PARD3B: variants seen among roughly 807,000 people sequenced by gnomAD.
PARD3B encodes par-3 family cell polarity regulator beta.
Under a neutral mutation model 130.2 loss-of-function variants are expected in PARD3B, and 103 were observed. The ratio of observed to expected loss-of-function variants is 0.79; its 90% CI spans 0.67 to 0.93. The LOEUF (loss-of-function observed/expected upper bound fraction) is 0.93. Ranked by LOEUF, PARD3B falls within the 40% of genes least tolerant of loss-of-function variation. PARD3B has a pLI of 0.00. For missense variants in PARD3B, 1,609 were observed against 1,499.2 expected, an observed-to-expected ratio of 1.07 and a Z score of -1.21; for synonymous variants, 583 against 553.2, an observed-to-expected ratio of 1.05 and a Z score of -0.76.
At chr2:205,608,364 A>G (rs993397481) in intron 22 of PARD3B, among the ~76,000 whole-genome samples, 1 of 152,168 alleles carries the variant, frequency 6.6e-6, no homozygotes, top group African/African-American at 2.4e-5. Flanking sequence ...TTACAATAGA[A>G]AGAGAGAGAG....
intron 18 of PARD3B, among the ~76,000 whole-genome samples, chr2:205,354,713 A>G (rs1218879355): frequency 6.6e-6 from 1 of 152,170 alleles, no homozygotes; most frequent in East Asian, 1.9e-4. Context: ...TATCCCAGAG[A>G]TTACAAACAG....
intron 2 of PARD3B, among the ~76,000 whole-genome samples, chr2:204,802,856 G>A (rs1459310901): frequency 6.6e-6 from 1 of 152,030 alleles, no homozygotes; most frequent in African/African-American, 2.4e-5. Flanking sequence ...AGAGCATAGG[G>A]GAGGGATAGC....
chr2:204,793,952 CT>C (rs1159105907), intron 2 of PARD3B, among the ~76,000 whole-genome samples: 1 of 152,100 alleles, frequency 6.6e-6, no homozygotes, highest in Non-Finnish European at 1.5e-5. Context: ...CAAATCATAA[CT>C]TTTTTTCTGG....
intron 3 of PARD3B, among the ~76,000 whole-genome samples, chr2:205,014,552 G>A (rs1229643552): frequency 6.6e-6 from 1 of 152,194 alleles, no homozygotes; most frequent in Non-Finnish European, 1.5e-5. Context: ...TGGTCTTCCT[G>A]TAGGGTTATT....
chr2:205,124,057 A>G (rs1443293873), intron 8 of PARD3B, among the ~76,000 whole-genome samples: 1 of 152,206 alleles, frequency 6.6e-6, no homozygotes, highest in African/African-American at 2.4e-5. Flanking sequence ...GGGCATCTGG[A>G]TAACATGTGC....
intron 2 of PARD3B, among the ~76,000 whole-genome samples, chr2:204,789,036 A>T (rs1351787249): frequency 6.6e-6 from 1 of 152,092 alleles, no homozygotes; most frequent in Non-Finnish European, 1.5e-5. Context: ...CTATTATTAA[A>T]TGGAATATAA....
intron 2 of PARD3B, among the ~76,000 whole-genome samples, chr2:204,804,193 T>C (rs2125507412): frequency 6.6e-6 from 1 of 152,192 alleles, no homozygotes; most frequent in African/African-American, 2.4e-5. Context: ...CACACCATTA[T>C]ACTCCAGCCT....
intron 10 of PARD3B, among the ~76,000 whole-genome samples, chr2:205,138,043 G>A (rs559432507): frequency 1.3e-5 from 2 of 152,314 alleles, no homozygotes; most frequent in South Asian, 4.1e-4. Flanking sequence ...AGGGAAGTGG[G>A]AGTGTGCACT....
At chr2:204,657,188 G>A (rs1291127060) in intron 1 of PARD3B, among the ~76,000 whole-genome samples, 2 of 152,194 alleles carry the variant, frequency 1.3e-5, no homozygotes, top group African/African-American at 4.8e-5. Flanking sequence ...TACTCCAGCT[G>A]TGTTCTTTAT....
chr2:205,119,983 TC>T (rs1405893199), intron 7 of PARD3B, among the ~76,000 whole-genome samples: 2 of 152,206 alleles, frequency 1.3e-5, no homozygotes, highest in Middle Eastern at 3.4e-3. Context: ...ATCACCACCC[TC>T]TTGTTTCTGA....
intron 2 of PARD3B, among the ~76,000 whole-genome samples, chr2:204,854,240 AC>A (rs767436841): frequency 5.3e-4 from 80 of 152,240 alleles, no homozygotes; most frequent in Middle Eastern, 6.8e-3. Flanking sequence ...TGAGGAGCCA[AC>A]TCTTTCAAGG....
chr2:204,679,816 A>AT (rs2036736289), intron 1 of PARD3B, among the ~76,000 whole-genome samples: 1 of 151,592 alleles, frequency 6.6e-6, no homozygotes, highest in Admixed American at 6.6e-5. Context: ...GATCTTTATC[A>AT]TTTTTTCTAT....
intron 2 of PARD3B, among the ~76,000 whole-genome samples, chr2:204,877,921 GTAAC>G (rs2045904418): frequency 6.6e-6 from 1 of 152,168 alleles, no homozygotes; most frequent in African/African-American, 2.4e-5. Flanking sequence ...TTAGAACTGA[GTAAC>G]TAACTTCCTC....
chr2:204,972,850 C>A (rs1251317397), intron 3 of PARD3B, among the ~76,000 whole-genome samples: 1 of 152,116 alleles, frequency 6.6e-6, no homozygotes, highest in East Asian at 1.9e-4. Flanking sequence ...TGATATTAGA[C>A]CCCTGGGTTT....
rs78188965 is a variant in PARD3B, at chr2:205,219,451, A to G, written c.2140+26131A>G. Among the ~76,000 whole-genome samples the G allele has an allele frequency of 7.6e-3, 1,154 of 152,314 alleles. 21 individuals are homozygous for G. Among genetic ancestry groups the G allele is most frequent in the East Asian group, 0.07 (362 of 5,190 alleles). ...TGAATCTGGATGACAACTTTTCAAA[A>G]TCTATTACACAGTAGTAGCCCTGGT... On this transcript the variant is annotated intron_variant, in intron 15 of 22. Transcript: ENST00000406610.
chr2:204,572,960 C>A (rs957297200), intron 1 of PARD3B, among the ~76,000 whole-genome samples: 4 of 152,150 alleles, frequency 2.6e-5, no homozygotes, highest in Non-Finnish European at 5.9e-5. Flanking sequence ...TTTCAGAAGG[C>A]CTCCTGGAAG....
At chr2:204,828,006 A>C (rs1167885478) in intron 2 of PARD3B, among the ~76,000 whole-genome samples, 1 of 150,216 alleles carries the variant, frequency 6.7e-6, no homozygotes, top group Non-Finnish European at 1.5e-5. Flanking sequence ...AGATTAGCCT[A>C]ATCAATCCAG....
intron 1 of PARD3B, among the ~76,000 whole-genome samples, chr2:204,564,459 C>T (rs952296468): frequency 6.6e-6 from 1 of 152,124 alleles, no homozygotes; most frequent in African/African-American, 2.4e-5. Flanking sequence ...CACCCCTTTG[C>T]CCTCATATTT....
intron 3 of PARD3B, among the ~76,000 whole-genome samples, chr2:205,026,660 C>G (rs1697054115): frequency 6.6e-6 from 1 of 151,966 alleles, no homozygotes; most frequent in African/African-American, 2.4e-5. Flanking sequence ...AGGTTTATAC[C>G]CTTTGACCAA....
Sources: allele counts gnomAD v4.1 joint callset (sites outside exome capture counted in the v4.1 genomes callset), GRCh38; gene constraint gnomAD v4.1.1; transcripts MANE v1.5; gene names NCBI Gene and HGNC (gene_info 2026-07-23, HGNC 2026-07-21).